Variants in NPSR1 observed in about 807,000 individuals in gnomAD.
NPSR1 encodes the protein neuropeptide S receptor.
NPSR1 carries 48 observed loss-of-function variants against 46.9 expected under a neutral mutation model. The ratio of observed to expected loss-of-function variants is 1.02; its 90% CI spans 0.81 to 1.30. The LOEUF (loss-of-function observed/expected upper bound fraction) is 1.30. Among genes scored for constraint, NPSR1 ranks in the 50% most tolerant of loss-of-function variants. NPSR1 has a pLI of 0.00. For synonymous variants in NPSR1, 176 were observed against 168.1 expected, an observed-to-expected ratio of 1.05 and a Z score of -0.36; for missense variants, 450 against 449.5, an observed-to-expected ratio of 1.00 and a Z score of -0.01.
intron 2 of NPSR1, among the ~76,000 whole-genome samples, chr7:34,729,989 G>A (rs1784347233): frequency 6.6e-6 from 1 of 152,204 alleles, no homozygotes; most frequent in South Asian, 2.1e-4. Flanking sequence ...GGCCAGGCTA[G>A]TCTGGAACTC....
At chr7:34,873,919 AG>A (rs1472046503) in intron 8 of NPSR1, among the ~76,000 whole-genome samples, 7 of 151,706 alleles carry the variant, frequency 4.6e-5, no homozygotes. Flanking sequence ...CCCTGAGTGC[AG>A]CAAAGGGGCC....
At chr7:34,791,778 C>A (rs996795673) in intron 3 of NPSR1, among the ~76,000 whole-genome samples, 2 of 152,120 alleles carry the variant, frequency 1.3e-5, no homozygotes, top group African/African-American at 4.8e-5. Context: ...CAAGGCATCA[C>A]ACTTCCTGCT....
chr7:34,736,592 ACTTT>A (rs1481382537), intron 2 of NPSR1, among the ~76,000 whole-genome samples: 15 of 151,718 alleles, frequency 9.9e-5, no homozygotes, highest in Admixed American at 9.9e-4. Context: ...TTACTTACTT[ACTTT>A]ATTTATCTAT....
chr7:34,852,500 A>C (rs974049584), downstream of NPSR1, among the ~76,000 whole-genome samples: 1 of 152,138 alleles, frequency 6.6e-6, no homozygotes, highest in African/African-American at 2.4e-5. Context: ...AGACACAGGG[A>C]GGAATCTCTG....
intron 8 of NPSR1, among the ~76,000 whole-genome samples, chr7:34,876,794 G>A (rs1045992927): frequency 6.6e-6 from 1 of 152,198 alleles, no homozygotes; most frequent in African/African-American, 2.4e-5. Flanking sequence ...CTCTGTCTGA[G>A]ACCATTGAAT....
chr7:34,846,838 C>A (rs1790756325), intron 7 of NPSR1, among the ~76,000 whole-genome samples: 1 of 152,124 alleles, frequency 6.6e-6, no homozygotes. Flanking sequence ...AAAACAAAGT[C>A]AGGGATAACT....
chr7:34,855,235 A>T (rs926919699), intron 8 of NPSR1, among the ~76,000 whole-genome samples: 2 of 152,128 alleles, frequency 1.3e-5, no homozygotes, highest in African/African-American at 4.8e-5. Flanking sequence ...GGGAAGTAGA[A>T]AGAATAAAAT....
chr7:34,663,067 C>CTCTCTCTCTCTCTCTCTCTCTGTGTGTG (rs35826710), intron 1 of NPSR1, among the ~76,000 whole-genome samples: 39 of 99,364 alleles, frequency 3.9e-4, no homozygotes, highest in Non-Finnish European at 7.0e-4. Context: ...CTCTCTCTCT[C>CTCTCTCTCTCTCTCTCTCTCTGTGTGTG]TGTGTGTGTG....
chr7:34,717,595 A>G (rs1783643948), intron 2 of NPSR1, among the ~76,000 whole-genome samples: 1 of 152,214 alleles, frequency 6.6e-6, no homozygotes, highest in Non-Finnish European at 1.5e-5. Flanking sequence ...GGACCCCCAG[A>G]GACAGTCACT....
At chr7:34,694,210 C>T (rs1175777365) in intron 2 of NPSR1, among the ~76,000 whole-genome samples, 2 of 151,982 alleles carry the variant, frequency 1.3e-5, no homozygotes, top group Non-Finnish European at 2.9e-5. Flanking sequence ...GTCAAATTAC[C>T]AAATTATCTC....
chr7:34,685,577 A>G (rs1020089936), intron 2 of NPSR1, among the ~76,000 whole-genome samples: 1 of 152,198 alleles, frequency 6.6e-6, no homozygotes, highest in Admixed American at 6.5e-5. Context: ...AGAAAGGGCT[A>G]TTTGGTACAT....
chr7:34,775,464 T>C (rs910456172), intron 2 of NPSR1, among the ~76,000 whole-genome samples: 2 of 152,204 alleles, frequency 1.3e-5, no homozygotes, highest in African/African-American at 4.8e-5. Context: ...AAGCCATCAG[T>C]TCCTGAACTT....
chr7:34,814,785 G>A (rs966568800), intron 4 of NPSR1, among the ~76,000 whole-genome samples: 3 of 152,132 alleles, frequency 2.0e-5, no homozygotes, highest in Admixed American at 6.5e-5. Flanking sequence ...GGTCTGGAGT[G>A]GATCTCCAGT....
chr7:34,675,700 A>G (rs1792279996), intron 1 of NPSR1, among the ~76,000 whole-genome samples: 1 of 152,164 alleles, frequency 6.6e-6, no homozygotes, highest in South Asian at 2.1e-4. Context: ...TGGCAGCATC[A>G]CCATCATCAA....
chr7:34,820,119 G>GA (rs1053777986), intron 4 of NPSR1, among the ~76,000 whole-genome samples: 1 of 152,056 alleles, frequency 6.6e-6, no homozygotes, highest in Non-Finnish European at 1.5e-5. Context: ...GCCACAAAAG[G>GA]AAAAAACTAA....
At chr7:34,761,826 A>G (rs1786187501) in intron 2 of NPSR1, among the ~76,000 whole-genome samples, 1 of 152,224 alleles carries the variant, frequency 6.6e-6, no homozygotes, top group Admixed American at 6.5e-5. Flanking sequence ...ATCTTGTGCA[A>G]TGATAATTAC....
chr7:34,864,207 C>T (rs1562777962), intron 8 of NPSR1, among the ~76,000 whole-genome samples: 1 of 151,572 alleles, frequency 6.6e-6, no homozygotes, highest in Non-Finnish European at 1.5e-5. Flanking sequence ...GAACATCACA[C>T]ACTGGAGCCT....
At chr7:34,715,938 A>C (rs1783538622) in intron 2 of NPSR1, among the ~76,000 whole-genome samples, 1 of 152,110 alleles carries the variant, frequency 6.6e-6, no homozygotes, top group South Asian at 2.1e-4. Flanking sequence ...TACTACCATG[A>C]GAAGAAAGTC....
Position 34,768,749 on chromosome 7 carries a change from G to A in NPSR1, c.281-9713G>A, listed in dbSNP as rs560850645. Reference sequence around the variant, plus strand: ...CCATTTAGATTAGTTAGGAAACTGCGGAAGTTCAAGAAAGAAATCATCAGT... The same window carrying A: ...CCATTTAGATTAGTTAGGAAACTGCAGAAGTTCAAGAAAGAAATCATCAGT... On this transcript the variant is annotated intron_variant, in intron 2 of 8. Coordinates refer to ENST00000360581, the MANE Select transcript of NPSR1 (RefSeq NM_207172.2). 1.5e-4 allele frequency among the ~76,000 whole-genome samples: 23 copies of A among 152,236 alleles called. No homozygotes were observed. In the East Asian group the frequency reaches 3.3e-3, roughly 22 times the overall value.
Sources: allele counts gnomAD v4.1 joint callset (sites outside exome capture counted in the v4.1 genomes callset), GRCh38; gene constraint gnomAD v4.1.1; transcripts MANE v1.5; gene names NCBI Gene and HGNC (gene_info 2026-07-23, HGNC 2026-07-21).